LINGO1: variants seen among roughly 807,000 people sequenced by gnomAD.
The protein encoded by LINGO1 is leucine-rich repeat and immunoglobulin-like domain-containing nogo receptor-interacting protein 1.
LINGO1 carries 11 observed loss-of-function variants against 37.3 expected under a neutral mutation model. That is an observed-to-expected ratio of 0.29 (90% CI 0.19 to 0.49). The LOEUF (loss-of-function observed/expected upper bound fraction) is 0.49. Ranked by LOEUF, LINGO1 falls within the 20% of genes least tolerant of loss-of-function variation. The pLI, the probability that LINGO1 is intolerant of heterozygous loss-of-function variation, is 0.99. For missense variants in LINGO1, 585 were observed against 878.2 expected (o/e 0.67, Z 4.22); for synonymous variants, 387 against 403.0 (o/e 0.96, Z 0.48).
At chr15:77,704,565 A>G (rs191517448) in intron 2 of LINGO1, among the ~76,000 whole-genome samples, 240 of 150,278 alleles carry the variant, frequency 1.6e-3, no homozygotes, top group Admixed American at 2.6e-3. Flanking sequence ...AACCCTGGTC[A>G]CACACTGAGC....
intron 3 of LINGO1, among the ~76,000 whole-genome samples, chr15:77,672,775 G>A (rs536723504): frequency 6.6e-6 from 1 of 152,202 alleles, no homozygotes; most frequent in East Asian, 1.9e-4. Flanking sequence ...TAGCACACAG[G>A]AGCCCTTAGA....
intron 3 of LINGO1, among the ~76,000 whole-genome samples, chr15:77,644,123 C>T (rs2074570386): frequency 6.6e-6 from 1 of 152,226 alleles, no homozygotes; most frequent in East Asian, 1.9e-4. Flanking sequence ...TGTATCTACG[C>T]TGGGGAGTTT....
chr15:77,818,749 A>T (rs1273273598), intron 1 of LINGO1, among the ~76,000 whole-genome samples: 1 of 151,920 alleles, frequency 6.6e-6, no homozygotes, highest in Admixed American at 6.5e-5. Flanking sequence ...GCCTGACCCT[A>T]GCGGGGTCAT....
intron 2 of LINGO1, among the ~76,000 whole-genome samples, chr15:77,704,409 C>T (rs554695735): frequency 1.3e-5 from 2 of 152,270 alleles, no homozygotes; most frequent in African/African-American, 4.8e-5. Flanking sequence ...AGATTGAACC[C>T]CAACCCTGGC....
chr15:77,615,096 T>A lies in LINGO1; in HGVS notation c.811A>T (p.Thr271Ser). The A allele has an allele frequency of 6.2e-7, 1 of 1,613,898 alleles. No homozygotes were observed. Among genetic ancestry groups the A allele is most frequent in the Non-Finnish European group, 8.5e-7 (1 of 1,179,878 alleles). Residue 271 changes from threonine (T) to serine (S), a missense_variant, in exon 2 of 2, where the codon ACA (threonine) becomes TCA (serine). Physicochemically the swap from Thr to Ser is moderately conservative, Grantham distance 58. Around this residue, in one of 4 missense-constraint regions of LINGO1, gnomAD observed 484 missense variants for 735.0 expected, o/e 0.66. Transcript: ENST00000355300. ...GGCACAGCGGTCAGATTGCAGTGTGTGATGGACAGGGACGTCAGGTTGAGG... is the reference window on the plus strand; with the variant it reads ...GGCACAGCGGTCAGATTGCAGTGTGAGATGGACAGGGACGTCAGGTTGAGG... Reference protein sequence around the residue: ...YGLNLTSLSITHCNLTAVPYL... With the variant: ...YGLNLTSLSISHCNLTAVPYL...
At chr15:77,813,073 C>G (rs1397407719) in intron 1 of LINGO1, among the ~76,000 whole-genome samples, 1 of 152,200 alleles carries the variant, frequency 6.6e-6, no homozygotes. Context: ...TCCCTGCCAC[C>G]AAGGTGCTCC....
chr15:77,691,233 C>T (rs1381001095), intron 1 of LINGO1, among the ~76,000 whole-genome samples: 1 of 152,166 alleles, frequency 6.6e-6, no homozygotes, highest in Admixed American at 6.5e-5. Flanking sequence ...CCACACTGGA[C>T]AACACAGCTG....
In LINGO1 at chr15:77,712,910, T is replaced by A. The variant is rs112376653; in HGVS notation, c.-194-22009A>T. 6.5e-3 allele frequency among the ~76,000 whole-genome samples: 997 copies of A among 152,290 alleles called. 20 individuals carry two copies. The highest frequency in any genetic ancestry group is 0.022 in the African/African-American group (934 of 41,554). ...AGCTCCCTCCCATCATTACATTATC[T>A]TTCAACATCACCTGTCTCTCCCTCT... On this transcript the variant is annotated intron_variant, in intron 2 of 3. Coordinates refer to the LINGO1 transcript ENST00000561686.
At chr15:77,644,033 G>A (rs2074567678) in intron 3 of LINGO1, among the ~76,000 whole-genome samples, 1 of 152,242 alleles carries the variant, frequency 6.6e-6, no homozygotes, top group African/African-American at 2.4e-5. Flanking sequence ...CACGGGGCAG[G>A]GCCCGGCACT....
chr15:77,636,088 C>T (rs896219120), upstream of LINGO1, among the ~76,000 whole-genome samples: 1 of 152,228 alleles, frequency 6.6e-6, no homozygotes, highest in Non-Finnish European at 1.5e-5. Context: ...ATGAGAAGAC[C>T]GAGGCTCTGG....
chr15:77,695,907 G>C (rs12901113), intron 1 of LINGO1: 12,136 of 147,418 alleles, frequency 0.082, 572 homozygotes, highest in Middle Eastern at 0.13. Flanking sequence ...TTTCAAGAGA[G>C]AGAAACGGAG....
At chr15:77,616,607 A>G (rs1595981469) in intron 1 of LINGO1, among the ~76,000 whole-genome samples, 1 of 152,218 alleles carries the variant, frequency 6.6e-6, no homozygotes, top group African/African-American at 2.4e-5. Context: ...CCCAGCCCTG[A>G]AGCTGCCCTC....
intron 2 of LINGO1, among the ~76,000 whole-genome samples, chr15:77,794,352 GTATATATGTGTA>G (rs2076845166): frequency 1.1e-5 from 1 of 90,532 alleles, no homozygotes; most frequent in Non-Finnish European, 2.2e-5. Flanking sequence ...ACATATATAC[GTATATATGTGTA>G]TATACATACG....
chr15:77,699,611 CCAT>C (rs2075748001), upstream of LINGO1, among the ~76,000 whole-genome samples: 2 of 86,712 alleles, frequency 2.3e-5, no homozygotes, highest in Non-Finnish European at 4.9e-5. Context: ...CACATACTAA[CCAT>C]CATCTGCACA....
chr15:77,619,437 C>A (rs2073849092), intron 1 of LINGO1, among the ~76,000 whole-genome samples: 2 of 152,082 alleles, frequency 1.3e-5, no homozygotes, highest in Admixed American at 1.3e-4. Context: ...GTAATCCCAG[C>A]TACTCAGGAG....
intron 1 of LINGO1, among the ~76,000 whole-genome samples, chr15:77,623,914 A>T (rs2074006002): frequency 9.0e-6 from 1 of 111,340 alleles, no homozygotes; most frequent in Non-Finnish European, 1.8e-5. Context: ...TCTGTGTGTG[A>T]CTGATGTGTG....
intron 2 of LINGO1, among the ~76,000 whole-genome samples, chr15:77,732,948 C>G (rs532339342): frequency 5.3e-5 from 8 of 152,350 alleles, no homozygotes; most frequent in African/African-American, 1.9e-4. Context: ...TAGCCCTCCC[C>G]ACCGGCCACG....
intron 2 of LINGO1, among the ~76,000 whole-genome samples, chr15:77,723,427 T>C (rs2076070944): frequency 6.6e-6 from 1 of 152,072 alleles, no homozygotes; most frequent in South Asian, 2.1e-4. Flanking sequence ...GGTGGATAAT[T>C]AAAATAATAA....
chr15:77,679,736 T>C (rs948896934), intron 2 of LINGO1, among the ~76,000 whole-genome samples: 5 of 152,212 alleles, frequency 3.3e-5, no homozygotes, highest in African/African-American at 7.2e-5. Flanking sequence ...GGAGGATCCA[T>C]TGTCCTTGTA....
Sources: gnomAD v4.1 joint callset for allele counts (sites outside exome capture counted in the v4.1 genomes callset) on GRCh38, gnomAD v4.1.1 for gene constraint, gnomAD v4.1.1 regional missense constraint, MANE v1.5 for transcripts, NCBI Gene and HGNC (gene_info 2026-07-23, HGNC 2026-07-21) for gene names.